The following MT1B variants were observed in gnomAD, a reference collection of about 807,000 sequenced individuals.
The protein encoded by MT1B is metallothionein 1B.
MT1B carries 4 observed loss-of-function variants against 7.9 expected under a neutral mutation model. The observed-to-expected ratio is 0.51, with a 90% CI of 0.25 to 1.16. MT1B has a LOEUF of 1.16. Ranked by LOEUF, MT1B falls within the 50% of genes most tolerant of loss-of-function variation. The probability of loss-of-function intolerance (pLI) is 0.15; values close to 1 mark genes in which losing one functional copy is unlikely to be tolerated. For missense variants in MT1B, 76 were observed against 75.2 expected (o/e 1.01, Z -0.04); for synonymous variants, 22 against 27.6 (o/e 0.80, Z 0.63).
rs756136894 is a variant in MT1B, at chr16:56,652,961, C to T, written c.95-13C>T. ...AGTCAGCTGTGACCTCTCACTCTCC[C>T]CTTCTTCCCCAGGCTGCTGCTCTTG... On this transcript the variant is annotated splice_polypyrimidine_tract_variant and intron_variant, in intron 2 of 2. Transcript: ENST00000334346. 12 of 1,612,488 alleles carry T rather than the reference C, an allele frequency of 7.4e-6. No homozygotes were observed. Among genetic ancestry groups the T allele is most frequent in the African/African-American group, 1.3e-5 (1 of 74,870 alleles).
chr16:56,652,822 C>A, intron 2 of MT1B, 152 bp from the exon 3 acceptor site: 1 of 1,156,780 alleles, frequency 8.6e-7, no homozygotes, highest in Non-Finnish European at 1.3e-6. Context: ...TATTGGGACA[C>A]AAACCTCAAA....
chr16:56,652,751 T>G, intron 2 of MT1B, 115 bp downstream of exon 2: 1 of 1,370,382 alleles, frequency 7.3e-7, no homozygotes, highest in Non-Finnish European at 1.0e-6. Context: ...CCCTGTTGGC[T>G]GTGTCATTCC....
chr16:56,652,585 T>G lies in MT1B; in HGVS notation c.43T>G (p.Cys15Gly). 1 of 1,613,902 alleles carries G rather than the reference T, an allele frequency of 6.2e-7. No individual in the cohort carries two copies. Among genetic ancestry groups the G allele is most frequent in the Non-Finnish European group, 8.5e-7 (1 of 1,179,820 alleles). The change falls in exon 2 of 3, where the codon TGC (cysteine) becomes GGC (glycine). Residue 15 changes from cysteine (C) to glycine (G), a missense_variant. Transcript: ENST00000334346. ...CSCTTGGSCA[C>G]AGSCKCKECK... ...CTTCCTTGCAGGTGGCTCCTGTGCCTGCGCCGGCTCCTGCAAGTGCAAAGA... is the reference window on the plus strand; with the variant it reads ...CTTCCTTGCAGGTGGCTCCTGTGCCGGCGCCGGCTCCTGCAAGTGCAAAGA...
intron 2 of MT1B, 43 bp downstream of exon 2, chr16:56,652,679 G>C: frequency 6.2e-7 from 1 of 1,609,778 alleles, no homozygotes; most frequent in Non-Finnish European, 8.5e-7. Flanking sequence ...CTGTGGCTAA[G>C]CTTGGAAGGG....
At chr16:56,652,750 CTG>C in intron 2 of MT1B, 114 bp downstream of exon 2, 1 of 1,364,444 alleles carries the variant, frequency 7.3e-7, no homozygotes, top group Non-Finnish European at 1.0e-6. Flanking sequence ...CCCCTGTTGG[CTG>C]TGTCATTCCC....
At chr16:56,652,378 T>TGCTTGCCCTTCCC (rs1218981061) in intron 1 of MT1B, among the ~76,000 whole-genome samples, 193 bp from the exon 2 acceptor site, 42 of 152,114 alleles carry the variant, frequency 2.8e-4, no homozygotes, top group African/African-American at 9.4e-4. Flanking sequence ...CCTGATGGGG[T>TGCTTGCCCTTCCC]ATATAAAGAA....
At chr16:56,652,013 G>A (rs1212187530) in intron 1 of MT1B, 32 bp downstream of exon 1, 2 of 1,613,860 alleles carry the variant, frequency 1.2e-6, no homozygotes, top group South Asian at 2.2e-5. Context: ...GCCTTGAGAT[G>A]CCCATTCCCG....
chr16:56,652,905 C>A (rs960863223), intron 2 of MT1B, 69 bp from the exon 3 acceptor site: 275 of 1,538,278 alleles, frequency 1.8e-4, no homozygotes, highest in Non-Finnish European at 2.4e-4. Context: ...TTCAGCCAGG[C>A]TTGCTGTTGG....
Position 56,653,167 on chromosome 16 carries a change from T to C in MT1B, c.*102T>C. 9.2e-7 allele frequency: 1 copy of C among 1,088,992 alleles called. No homozygotes were observed. Among genetic ancestry groups the C allele is most frequent in the Admixed American group, 2.1e-5 (1 of 46,574 alleles). 67.5% of individuals were successfully genotyped at this position (1,088,992 alleles called of 1,614,324 possible). A position where few individuals can be genotyped will look rare whatever the true frequency, so the allele number is the denominator to read the frequency against. ...CCGGTTTGCTACATTCTTTTTTCTA[T>C]TCAATATGTGAAAGACAATAAAACA... On this transcript the variant is annotated 3_prime_UTR_variant, in exon 3 of 3. Transcript: ENST00000334346.
Position 56,652,232 on chromosome 16 carries a change from C to T in MT1B, c.28+251C>T, listed in dbSNP as rs568294720. On this transcript the variant is annotated intron_variant, in intron 1 of 2. Coordinates refer to ENST00000334346, the MANE Select transcript of MT1B (RefSeq NM_005947.3). ...CACCTAGTCAGGGGGCTGCTGGCTG[C>T]GCCCCAGTGCTCTGCTCTAACTCTG... Among the ~76,000 whole-genome samples the T allele has an allele frequency of 5.9e-5, 9 of 152,322 alleles. No homozygotes were observed. The South Asian group carries it at 6.2e-4, about 11-fold the overall frequency.
Position 56,651,905 on chromosome 16 carries a change from C to T in MT1B, c.-49C>T. ...GGCTCCATCACACCTTCCTCCTGCCCTGACTTCTCATATCTTGCCTAGGAA... is the reference window on the plus strand; with the variant it reads ...GGCTCCATCACACCTTCCTCCTGCCTTGACTTCTCATATCTTGCCTAGGAA... On this transcript the variant is annotated 5_prime_UTR_variant, in exon 1 of 3. Transcript: ENST00000334346. The T allele has an allele frequency of 6.2e-7, 1 of 1,610,794 alleles. No homozygotes were observed. Among genetic ancestry groups the T allele is most frequent in the Admixed American group, 1.7e-5 (1 of 60,024 alleles).
rs1327777793 is a variant in MT1B, at chr16:56,652,599, C to A, written c.57C>A (p.Cys19Ter). 12 of 1,613,916 alleles carry A rather than the reference C, an allele frequency of 7.4e-6. No homozygotes were observed. Among genetic ancestry groups the A allele is most frequent in the Non-Finnish European group, 1.0e-5 (12 of 1,179,912 alleles). The change falls in exon 2 of 3, where the codon TGC becomes TGA. Residue 19 changes from cysteine to a stop codon, truncating the protein, a stop_gained. Coordinates refer to ENST00000334346, the MANE Select transcript of MT1B (RefSeq NM_005947.3). LOFTEE classifies it high-confidence loss of function. Reference sequence around the variant, plus strand: ...GCTCCTGTGCCTGCGCCGGCTCCTGCAAGTGCAAAGAGTGCAAATGTACCT... The same window carrying A: ...GCTCCTGTGCCTGCGCCGGCTCCTGAAAGTGCAAAGAGTGCAAATGTACCT... ...TGGSCACAGS[C>*]KCKECKCTSC...
intron 2 of MT1B, 34 bp from the exon 3 acceptor site, chr16:56,652,940 A>G (rs8047981): frequency 0.5 from 807,568 of 1,605,686 alleles, 206,069 homozygotes; most frequent in Non-Finnish European, 0.52. Flanking sequence ...TGGTCAAGTC[A>G]GCTGTGACCT....
At position 56,652,618 on chromosome 16, in the gene MT1B, T is replaced by C. The variant is rs201992211; in HGVS notation, c.76T>C (p.Cys26Arg). The stretch of plus-strand genomic sequence containing the variant: ...CTCCTGCAAGTGCAAAGAGTGCAAA[T>C]GTACCTCCTGCAAGAAGTGTGAGTG... ...AGSCKCKECK[C>R]TSCKKCCCSC... Residue 26 changes from cysteine (C) to arginine (R), a missense_variant, in exon 2 of 3, where the codon TGT becomes CGT. Cys to Arg is a radical substitution (Grantham distance 180, BLOSUM62 -3). Coordinates refer to ENST00000334346, the MANE Select transcript of MT1B (RefSeq NM_005947.3). The C allele has an allele frequency of 2.5e-6, 4 of 1,614,024 alleles. No individual in the cohort carries two copies. Among genetic ancestry groups the C allele is most frequent in the Non-Finnish European group, 2.5e-6 (3 of 1,179,936 alleles).
intron 1 of MT1B, 105 bp downstream of exon 1, chr16:56,652,086 AC>A (rs764096435): frequency 1.6e-5 from 23 of 1,426,552 alleles, no homozygotes; most frequent in Non-Finnish European, 2.1e-5. Context: ...GTTGAAGGGA[AC>A]TCGTTTACTT....
intron 1 of MT1B, among the ~76,000 whole-genome samples, chr16:56,652,293 C>T (rs1170070798): frequency 6.6e-6 from 1 of 152,184 alleles, no homozygotes; most frequent in African/African-American, 2.4e-5. Context: ...GGGACATAGC[C>T]TCTTCAGAGT....
chr16:56,652,379 A>AGG (rs1300210648), intron 1 of MT1B, among the ~76,000 whole-genome samples, 192 bp from the exon 2 acceptor site: 42 of 152,328 alleles, frequency 2.8e-4, no homozygotes, highest in African/African-American at 9.4e-4. Flanking sequence ...CTGATGGGGT[A>AGG]TATAAAGAAG....
Position 56,653,128 on chromosome 16 carries a change from T to C in MT1B, c.*63T>C. 1.3e-6 allele frequency: 2 copies of C among 1,519,470 alleles called. No individual in the cohort carries two copies. Among genetic ancestry groups the C allele is most frequent in the Non-Finnish European group, 1.8e-6 (2 of 1,100,584 alleles). The allele number at this position is 1,519,470 out of a possible 1,614,324, so 94.1% of individuals were successfully genotyped here. On this transcript the variant is annotated 3_prime_UTR_variant, in exon 3 of 3. Coordinates refer to ENST00000334346, the MANE Select transcript of MT1B (RefSeq NM_005947.3). Reference sequence around the variant, plus strand: ...ACCAGTACTAACCTGGATTTTTTTTTTTAACTACCCTGACCGGTTTGCTAC... The same window carrying C: ...ACCAGTACTAACCTGGATTTTTTTTCTTAACTACCCTGACCGGTTTGCTAC...
chr16:56,652,714 T>C (rs1395964170), intron 2 of MT1B, 78 bp downstream of exon 2: 2 of 1,549,534 alleles, frequency 1.3e-6, no homozygotes, highest in Non-Finnish European at 1.8e-6. Context: ...CCTGAGTGCA[T>C]GCTTTTGGGA....
Sources: gnomAD v4.1 joint callset for allele counts (sites outside exome capture counted in the v4.1 genomes callset) on GRCh38, gnomAD v4.1.1 for gene constraint, MANE v1.5 for transcripts, NCBI Gene and HGNC (gene_info 2026-07-23, HGNC 2026-07-21) for gene names.